Variants in CNTNAP3B observed in about 807,000 individuals in gnomAD.
CNTNAP3B encodes the protein contactin-associated protein-like 3B.
Under a neutral mutation model 108.9 loss-of-function variants are expected in CNTNAP3B, and 25 were observed. That is an observed-to-expected ratio of 0.23 (90% confidence interval 0.17 to 0.32). The LOEUF (loss-of-function observed/expected upper bound fraction) is 0.32, where lower values mean the gene tolerates loss of function less well. CNTNAP3B is among the 10% of genes least tolerant of loss of function. The pLI is 1.00. For missense variants in CNTNAP3B, 252 were observed against 1,210.4 expected (o/e 0.21, Z 11.75); for synonymous variants, 103 against 473.4 (o/e 0.22, Z 10.16).
chr9:42,123,535 A>T (rs1368050511), intron 1 of CNTNAP3B, among the ~76,000 whole-genome samples: 2 of 123,382 alleles, frequency 1.6e-5, no homozygotes, highest in Non-Finnish European at 3.4e-5. Context: ...TGTTCCATAA[A>T]CATTGACTTT....
chr9:41,907,086 CT>C (rs1338631076), intron 19 of CNTNAP3B, 99 bp from the exon 20 acceptor site: 1 of 492,840 alleles, frequency 2.0e-6, no homozygotes, highest in Non-Finnish European at 3.4e-6. Flanking sequence ...ACTTATAGCA[CT>C]TTTGAATCTA....
At chr9:41,969,723 T>C (rs1330473062) in intron 10 of CNTNAP3B, among the ~76,000 whole-genome samples, 1 of 148,938 alleles carries the variant, frequency 6.7e-6, no homozygotes, top group Non-Finnish European at 1.5e-5. Context: ...GTTCATGCCA[T>C]TCTCCTGCCT....
chr9:41,934,116 T>C (rs1298367159), intron 14 of CNTNAP3B, among the ~76,000 whole-genome samples: 1 of 138,434 alleles, frequency 7.2e-6, no homozygotes. Flanking sequence ...TATATATATA[T>C]ATATATACAC....
intron 15 of CNTNAP3B, among the ~76,000 whole-genome samples, chr9:41,925,551 C>T (rs1172551903): frequency 1.3e-5 from 2 of 152,280 alleles, no homozygotes; most frequent in Admixed American, 1.3e-4. Flanking sequence ...CGAGATCCTG[C>T]CACTGCACTC....
chr9:42,080,113 G>T lies in CNTNAP3B; in HGVS notation c.197-3051C>A, dbSNP rs946800357. On this transcript the variant is annotated intron_variant, in intron 2 of 23. Coordinates refer to ENST00000377561, the MANE Select transcript of CNTNAP3B (RefSeq NM_001201380.3). Reference sequence around the variant, plus strand: ...TGGAGAAGCACAAGGAGGAAAATGAGTTGACACGGTTCTGGTGTGCTACCC... The same window carrying T: ...TGGAGAAGCACAAGGAGGAAAATGATTTGACACGGTTCTGGTGTGCTACCC... 3.7e-5 allele frequency among the ~76,000 whole-genome samples: 5 copies of T among 133,482 alleles called. 1 individual carries two copies. The highest frequency in any genetic ancestry group is 6.3e-5 in the Non-Finnish European group (4 of 63,350). 87.6% of individuals were successfully genotyped at this position (133,482 alleles called of 152,430 possible). A position where few individuals can be genotyped will look rare whatever the true frequency, so the allele number is the denominator to read the frequency against.
At chr9:41,950,621 A>T (rs899032016) in intron 13 of CNTNAP3B, among the ~76,000 whole-genome samples, 17 of 149,400 alleles carry the variant, frequency 1.1e-4, no homozygotes, top group African/African-American at 4.0e-4. Context: ...AGTGAAAAAA[A>T]CTCAACCACA....
At chr9:42,033,235 A>T (rs1826556760) in intron 3 of CNTNAP3B, among the ~76,000 whole-genome samples, 1 of 146,652 alleles carries the variant, frequency 6.8e-6, no homozygotes, top group Non-Finnish European at 1.5e-5. Context: ...CTTGAAAACT[A>T]ATCTTACCCA....
At chr9:42,071,553 A>G (rs1587247140) in intron 3 of CNTNAP3B, among the ~76,000 whole-genome samples, 2 of 139,140 alleles carry the variant, frequency 1.4e-5, no homozygotes, top group Admixed American at 1.4e-4. Context: ...TGCATAAAAT[A>G]TGTGGCAATT....
chr9:42,128,167 G>A (rs1475353810), intron 1 of CNTNAP3B, among the ~76,000 whole-genome samples: 1 of 138,576 alleles, frequency 7.2e-6, no homozygotes, highest in African/African-American at 2.9e-5. Flanking sequence ...AAAAAAATGT[G>A]CAATGTTGTG....
At chr9:42,089,705 T>C (rs1827777222) in intron 2 of CNTNAP3B, among the ~76,000 whole-genome samples, 2 of 147,904 alleles carry the variant, frequency 1.4e-5, no homozygotes, top group Non-Finnish European at 3.0e-5. Flanking sequence ...GAAAGCATGA[T>C]CACATGGAAG....
chr9:42,074,992 C>A (rs1311783064), intron 3 of CNTNAP3B, among the ~76,000 whole-genome samples: 1 of 146,738 alleles, frequency 6.8e-6, no homozygotes, highest in Non-Finnish European at 1.5e-5. Context: ...GTCTGCCGGC[C>A]GTGCTGCCTC....
intron 4 of CNTNAP3B, among the ~76,000 whole-genome samples, chr9:42,001,423 A>T (rs1336154911): frequency 1.5e-5 from 2 of 135,320 alleles, no homozygotes; most frequent in Non-Finnish European, 3.1e-5. Context: ...CAAGAAAAAA[A>T]CAGTTCTACC....
intron 3 of CNTNAP3B, among the ~76,000 whole-genome samples, chr9:42,018,467 C>CA (rs1277319514): frequency 1.4e-5 from 2 of 141,698 alleles, no homozygotes; most frequent in Admixed American, 1.4e-4. Flanking sequence ...AATAAATCAA[C>CA]AAAAAAGGGC....
chr9:41,936,137 A>T (rs1173234900), intron 14 of CNTNAP3B, among the ~76,000 whole-genome samples: 1 of 152,282 alleles, frequency 6.6e-6, no homozygotes, highest in Admixed American at 6.5e-5. Context: ...AAAATTAGCC[A>T]GGTGTGGCAC....
At chr9:41,976,972 C>G (rs1195537289) in intron 9 of CNTNAP3B, among the ~76,000 whole-genome samples, 1 of 142,216 alleles carries the variant, frequency 7.0e-6, no homozygotes, top group Non-Finnish European at 1.5e-5. Flanking sequence ...TAAAGCAAAT[C>G]TAAAAGCAAA....
chr9:41,945,532 T>C (rs1824507347), intron 13 of CNTNAP3B, among the ~76,000 whole-genome samples: 1 of 152,306 alleles, frequency 6.6e-6, no homozygotes, highest in Admixed American at 6.5e-5. Context: ...AACCAAACAC[T>C]GCATGTTCTC....
intron 3 of CNTNAP3B, among the ~76,000 whole-genome samples, chr9:42,035,990 C>T (rs1267265340): frequency 2.8e-5 from 4 of 144,308 alleles, no homozygotes; most frequent in East Asian, 2.1e-4. Context: ...TGCCTGTAGT[C>T]CCAGCTACTC....
At chr9:41,959,300 TA>T (rs1235080802) in intron 12 of CNTNAP3B, among the ~76,000 whole-genome samples, 3 of 152,132 alleles carry the variant, frequency 2.0e-5, no homozygotes, top group Non-Finnish European at 4.4e-5. Context: ...GCACATTTTA[TA>T]ATCATTATTG....
At chr9:41,942,149 G>A (rs1824367320) in intron 13 of CNTNAP3B, among the ~76,000 whole-genome samples, 1 of 152,264 alleles carries the variant, frequency 6.6e-6, no homozygotes, top group African/African-American at 2.4e-5. Context: ...AGGAAGACAG[G>A]TTCTCTAAAA....
Sources: gnomAD v4.1 joint callset for allele counts (sites outside exome capture counted in the v4.1 genomes callset) on GRCh38, gnomAD v4.1.1 for gene constraint, MANE v1.5 for transcripts, NCBI Gene and HGNC (gene_info 2026-07-23, HGNC 2026-07-21) for gene names.